SLC17A5: variants seen among roughly 807,000 people sequenced by gnomAD.
SLC17A5 encodes solute carrier family 17 member 5.
Under a neutral mutation model 59.4 loss-of-function variants are expected in SLC17A5, and 47 were observed. The observed-to-expected ratio is 0.79, with a 90% CI of 0.63 to 1.01. SLC17A5 has a LOEUF of 1.01. SLC17A5 is among the 50% of genes least tolerant of loss of function. The probability of loss-of-function intolerance (pLI) is 0.00; values close to 1 mark genes in which losing one functional copy is unlikely to be tolerated. For synonymous variants in SLC17A5, 202 were observed against 210.7 expected (o/e 0.96, Z 0.36); for missense variants, 522 against 595.5 (o/e 0.88, Z 1.28).
chr6:73,640,576 C>T (rs892629059), intron 3 of SLC17A5, among the ~76,000 whole-genome samples: 3 of 152,152 alleles, frequency 2.0e-5, no homozygotes, highest in African/African-American at 7.2e-5. Flanking sequence ...CAGCATGATA[C>T]ACTGCTACTT....
intron 8 of SLC17A5, among the ~76,000 whole-genome samples, chr6:73,614,871 G>A (rs562610365): frequency 5.1e-4 from 78 of 152,222 alleles, no homozygotes; most frequent in African/African-American, 1.7e-3. Flanking sequence ...TATAATAAGT[G>A]GGTAAACATA....
intron 7 of SLC17A5, among the ~76,000 whole-genome samples, chr6:73,617,600 T>C (rs908781294): frequency 6.6e-5 from 10 of 152,336 alleles, no homozygotes; most frequent in African/African-American, 2.4e-4. Context: ...TCCCAGCACT[T>C]TGGGAGGCCA....
At chr6:73,608,759 T>TA (rs1767511309) in intron 9 of SLC17A5, among the ~76,000 whole-genome samples, 1 of 152,218 alleles carries the variant, frequency 6.6e-6, no homozygotes, top group African/African-American at 2.4e-5. Flanking sequence ...CCCACGCCTG[T>TA]AATCCTAGCA....
Position 73,636,700 on chromosome 6 carries a change from C to A in SLC17A5, c.621G>T (p.Gln207His). 3 of 1,608,624 alleles carry A rather than the reference C, an allele frequency of 1.9e-6. No individual in the cohort carries two copies. Among genetic ancestry groups the A allele is most frequent in the Non-Finnish European group, 2.6e-6 (3 of 1,175,052 alleles). The change falls in exon 5 of 11, where the codon CAG (glutamine) becomes CAT (histidine). Residue 207 changes from glutamine to histidine, a missense_variant. Gln to His is a conservative substitution (Grantham distance 24, BLOSUM62 0). Coordinates refer to ENST00000355773, the MANE Select transcript of SLC17A5 (RefSeq NM_012434.5). ...GAGGAAGAGAAATTACTGTCCCAAG[C>A]TGTGCTCCTAGAACAACACATAAGA... ...KLLSISYAGA[Q>H]LGTVISLPLS...
At chr6:73,629,706 C>T (rs893272044) in intron 6 of SLC17A5, among the ~76,000 whole-genome samples, 2 of 151,148 alleles carry the variant, frequency 1.3e-5, no homozygotes, top group African/African-American at 2.4e-5. Flanking sequence ...ACCCAGGAGG[C>T]GGAGGTTGCA....
At chr6:73,642,085 A>G (rs1315099603) in intron 2 of SLC17A5, among the ~76,000 whole-genome samples, 161 bp from the exon 3 acceptor site, 1 of 152,244 alleles carries the variant, frequency 6.6e-6, no homozygotes, top group Non-Finnish European at 1.5e-5. Context: ...ATAACAATAT[A>G]GATATACAGT....
At chr6:73,604,212 GAC>G (rs769540597) in intron 9 of SLC17A5, among the ~76,000 whole-genome samples, 24 of 152,018 alleles carry the variant, frequency 1.6e-4, no homozygotes, top group Non-Finnish European at 2.9e-4. Context: ...CCTTTCCAGT[GAC>G]AGATATTAAG....
At chr6:73,619,922 GTTTTTT>G (rs1174723514) in intron 7 of SLC17A5, among the ~76,000 whole-genome samples, 3 of 119,128 alleles carry the variant, frequency 2.5e-5, no homozygotes, top group South Asian at 2.8e-4. Flanking sequence ...TTGAGAATTT[GTTTTTT>G]TTTTTTTTTT....
Position 73,621,885 on chromosome 6 carries a change from A to T in SLC17A5, c.897T>A (p.Phe299Leu). ...LPLWAIVVAH[F>L]SYNWTFYTLL... is the part of the protein sequence containing the mutation. Reference sequence around the variant, plus strand: ...AAGTATAAAAAGTCCAGTTGTAAGAAAAGTGTGCAACTACGATAGCCCAAA... The same window carrying T: ...AAGTATAAAAAGTCCAGTTGTAAGATAAGTGTGCAACTACGATAGCCCAAA... Residue 299 changes from phenylalanine (F) to leucine (L), a missense_variant, in exon 7 of 11, where the codon TTT becomes TTA. Physicochemically the swap from Phe to Leu is conservative, Grantham distance 22. Around this residue, in one of 3 missense-constraint regions of SLC17A5, gnomAD observed 338 missense variants for 363.8 expected, o/e 0.93. Coordinates refer to ENST00000355773, the MANE Select transcript of SLC17A5 (RefSeq NM_012434.5). 1.2e-6 allele frequency: 2 copies of T among 1,613,738 alleles called. No homozygotes were observed. The highest frequency in any genetic ancestry group is 1.7e-6 in the Non-Finnish European group (2 of 1,179,666).
At chr6:73,648,429 T>G (rs1321947824) in intron 1 of SLC17A5, among the ~76,000 whole-genome samples, 1 of 152,236 alleles carries the variant, frequency 6.6e-6, no homozygotes, top group Admixed American at 6.5e-5. Context: ...TGGGTGTAAC[T>G]GAAAGTACAC....
chr6:73,646,509 G>A (rs1046713241), intron 1 of SLC17A5, among the ~76,000 whole-genome samples: 5 of 152,196 alleles, frequency 3.3e-5, no homozygotes, highest in Admixed American at 2.6e-4. Context: ...ACCATAGTTA[G>A]ATCCAGATCT....
intron 6 of SLC17A5, among the ~76,000 whole-genome samples, chr6:73,632,419 T>C (rs1395727942): frequency 1.4e-5 from 2 of 143,918 alleles, no homozygotes; most frequent in Non-Finnish European, 3.0e-5. Flanking sequence ...AAGACACATA[T>C]CGATGTAGAG....
chr6:73,653,498 T>TCCCCCCCCCCCCC, intron 1 of SLC17A5: 1 of 951,378 alleles, frequency 1.1e-6, no homozygotes, highest in Non-Finnish European at 1.2e-6. Flanking sequence ...GCACCGCCGC[T>TCCCCCCCCCCCCC]CCCCCGCCCC....
intron 10 of SLC17A5, among the ~76,000 whole-genome samples, chr6:73,598,523 T>G (rs1485188965): frequency 6.6e-6 from 1 of 151,508 alleles, no homozygotes; most frequent in Non-Finnish European, 1.5e-5. Flanking sequence ...CCTAGCTACT[T>G]GGGAGGCTGA....
intron 1 of SLC17A5, 163 bp downstream of exon 1, chr6:73,653,630 C>T: frequency 3.8e-6 from 2 of 529,434 alleles, no homozygotes; most frequent in Non-Finnish European, 4.8e-6. Flanking sequence ...GCAGGCGGGA[C>T]TGAGCGGCAC....
intron 1 of SLC17A5, among the ~76,000 whole-genome samples, chr6:73,651,628 C>T (rs1291250010): frequency 1.3e-5 from 2 of 151,332 alleles, no homozygotes; most frequent in Non-Finnish European, 2.9e-5. Flanking sequence ...CTGCAAGCTC[C>T]GCCTCCCAGG....
chr6:73,615,441 A>G lies in SLC17A5; in HGVS notation c.985T>C (p.Phe329Leu), dbSNP rs2150091635. 1 of 1,614,030 alleles carries G rather than the reference A, an allele frequency of 6.2e-7. No individual in the cohort carries two copies. Among genetic ancestry groups the G allele is most frequent in the South Asian group, 1.1e-5 (1 of 91,084 alleles). ...CCTAAATAAGGCAATGAAGATAAAA[A>G]CCCATTCTGGAAGGAATAAGAAGAT... ...ILRFNVQENGFLSSLPYLGSW... is the reference protein window; with the variant it reads ...ILRFNVQENGLLSSLPYLGSW... The change falls in exon 8 of 11, where the codon TTT (phenylalanine) becomes CTT (leucine). Residue 329 changes from phenylalanine to leucine, a missense_variant. By Grantham distance (22) the Phe-to-Leu change is conservative. This residue lies in a region of SLC17A5 where 31 missense variants were observed against 63.2 expected (regional missense o/e 0.49). Transcript: ENST00000355773.
At chr6:73,610,367 T>C (rs1446395729) in intron 9 of SLC17A5, 33 bp downstream of exon 9, 1 of 1,610,906 alleles carries the variant, frequency 6.2e-7, no homozygotes, top group African/African-American at 1.3e-5. Context: ...TAATTTAAAG[T>C]CAATCACAGC....
rs1209414759 is a variant in SLC17A5, at chr6:73,645,292, G to A, written c.95-689C>T. 1.2e-5 allele frequency: 12 copies of A among 984,114 alleles called. No individual in the cohort carries two copies. In the South Asian group the frequency reaches 4.2e-4, roughly 35 times the overall value. The allele number at this position is 984,114 out of a possible 1,614,324, so 61.0% of individuals were successfully genotyped here. On this transcript the variant is annotated intron_variant, in intron 1 of 10. Transcript: ENST00000355773. ...TTTCTCTTGATAAATTTCTTACCTCGAAGAGTATCCTCAAAGGCTGGGTTT... is the reference window on the plus strand; with the variant it reads ...TTTCTCTTGATAAATTTCTTACCTCAAAGAGTATCCTCAAAGGCTGGGTTT...
Sources: gnomAD v4.1 joint callset for allele counts (sites outside exome capture counted in the v4.1 genomes callset) on GRCh38, gnomAD v4.1.1 for gene constraint, gnomAD v4.1.1 regional missense constraint, MANE v1.5 for transcripts, NCBI Gene and HGNC (gene_info 2026-07-23, HGNC 2026-07-21) for gene names.